The following MBD3L1 variants were observed in gnomAD, a reference collection of about 807,000 sequenced individuals.
MBD3L1 encodes methyl-CpG binding domain protein 3 like 1.
For missense variants in MBD3L1, 203 were observed against 230.1 expected (o/e 0.88, Z 0.76); for synonymous variants, 84 against 85.1 (o/e 0.99, Z 0.07).
chr19:8,842,175 A>C (rs984732338), intron 2 of MBD3L1, among the ~76,000 whole-genome samples: 1 of 152,036 alleles, frequency 6.6e-6, no homozygotes, highest in East Asian at 1.9e-4. Flanking sequence ...CAAAAACCAC[A>C]AACAGCCAGG....
intron 1 of MBD3L1, among the ~76,000 whole-genome samples, chr19:8,835,552 A>C (rs2044446447): frequency 6.6e-6 from 1 of 152,210 alleles, no homozygotes; most frequent in Non-Finnish European, 1.5e-5. Context: ...AGACAAGGAG[A>C]AATTGGAATT....
intron 1 of MBD3L1, among the ~76,000 whole-genome samples, chr19:8,839,181 TTTTC>T (rs1413507602): frequency 8.0e-4 from 39 of 48,474 alleles, no homozygotes; most frequent in African/African-American, 3.3e-3. Flanking sequence ...TTTTCTTTTC[TTTTC>T]TTTTTTTTTT....
intron 1 of MBD3L1, among the ~76,000 whole-genome samples, chr19:8,838,294 C>G (rs1054574488): frequency 1.0e-5 from 1 of 97,518 alleles, no homozygotes. Flanking sequence ...GATCAGCAGC[C>G]CCACTATCAC....
rs34714268 is a variant in MBD3L1, at chr19:8,834,604, C to CA, written c.-107+2094dup. ...GCCTGAGAACAGAGCGAGACTCCAT[C>CA]AAAAAAAAAAAACAAACCAAAACCA... is the stretch of plus-strand genomic sequence containing the variant. On this transcript the variant is annotated intron_variant, in intron 1 of 2. Coordinates refer to ENST00000595891, the MANE Select transcript of MBD3L1 (RefSeq NM_001393532.1). 6.2e-3 allele frequency among the ~76,000 whole-genome samples: 546 copies of CA among 88,408 alleles called. 3 individuals carry two copies. The highest frequency in any genetic ancestry group is 0.045 in the South Asian group (120 of 2,662). The allele number at this position is 88,408 out of a possible 152,430, so 58.0% of individuals were successfully genotyped here. A position where few individuals can be genotyped will look rare whatever the true frequency, so the allele number is the denominator to read the frequency against.
At chr19:8,833,896 G>T (rs1284570773) in intron 1 of MBD3L1, among the ~76,000 whole-genome samples, 1 of 152,162 alleles carries the variant, frequency 6.6e-6, no homozygotes, top group African/African-American at 2.4e-5. Context: ...GCTGAGGCAG[G>T]AGAATAGCTT....
chr19:8,834,239 A>C (rs1002268923), intron 1 of MBD3L1, among the ~76,000 whole-genome samples: 1 of 152,202 alleles, frequency 6.6e-6, no homozygotes, highest in Non-Finnish European at 1.5e-5. Flanking sequence ...AAAATTCAAT[A>C]TACTAGGAAA....
intron 1 of MBD3L1, among the ~76,000 whole-genome samples, chr19:8,833,805 T>G (rs536522510): frequency 6.6e-6 from 1 of 152,226 alleles, no homozygotes; most frequent in Admixed American, 6.5e-5. Context: ...CCTGCCAACA[T>G]GGTGAAACCC....
chr19:8,842,656 A>T lies in MBD3L1; in HGVS notation c.-21-2A>T. 1 of 1,587,170 alleles carries T rather than the reference A, an allele frequency of 6.3e-7. No individual in the cohort carries two copies. The highest frequency in any genetic ancestry group is 8.6e-7 in the Non-Finnish European group (1 of 1,160,408). ...ACCCCATTTCATGATTTATTTTAAT[A>T]GTGTAAGAGGAAAAGAAGTGTGATG... On this transcript the variant is annotated splice_acceptor_variant, in intron 2 of 2. Coordinates refer to ENST00000595891, the MANE Select transcript of MBD3L1 (RefSeq NM_001393532.1). LOFTEE classifies it low-confidence loss of function (5UTR_SPLICE).
At chr19:8,841,514 A>G (rs2044512682) in intron 2 of MBD3L1, among the ~76,000 whole-genome samples, 2 of 152,092 alleles carry the variant, frequency 1.3e-5, no homozygotes, top group Admixed American at 1.3e-4. Flanking sequence ...GAATTAAAAA[A>G]CCTGGAAATC....
intron 1 of MBD3L1, among the ~76,000 whole-genome samples, chr19:8,838,862 C>T (rs904628088): frequency 9.2e-5 from 14 of 152,052 alleles, no homozygotes; most frequent in Non-Finnish European, 1.5e-4. Flanking sequence ...GCTATGTGCA[C>T]GTGAGGTGTG....
chr19:8,840,540 AGT>A (rs1335695601), intron 1 of MBD3L1, among the ~76,000 whole-genome samples: 1 of 152,144 alleles, frequency 6.6e-6, no homozygotes, highest in African/African-American at 2.4e-5. Context: ...CCTGTGTTCA[AGT>A]GGCCCTCCCG....
chr19:8,834,488 G>A (rs2044431606), intron 1 of MBD3L1, among the ~76,000 whole-genome samples: 2 of 151,736 alleles, frequency 1.3e-5, no homozygotes, highest in Admixed American at 6.6e-5. Flanking sequence ...GGCGCCTATA[G>A]TCCCAGCTAC....
rs1445591192 is a variant in MBD3L1, at chr19:8,842,663, G to A, written c.-16G>A. 6 of 1,605,746 alleles carry A rather than the reference G, an allele frequency of 3.7e-6. No individual in the cohort carries two copies. The Admixed American group carries it at 1.0e-4, about 27-fold the overall frequency. On this transcript the variant is annotated 5_prime_UTR_variant, in exon 3 of 3. Transcript: ENST00000595891. ...TTCATGATTTATTTTAATAGTGTAA[G>A]AGGAAAAGAAGTGTGATGGCCAAGA...
rs2044525439 is a variant in MBD3L1, at chr19:8,842,723, A to G, written c.45A>G (p.Gln15=). 1.2e-6 allele frequency: 2 copies of G among 1,614,212 alleles called. No homozygotes were observed. Among genetic ancestry groups the G allele is most frequent in the Non-Finnish European group, 1.7e-6 (2 of 1,180,042 alleles). ...GGAAGCAACGTGACTGTGTAAACCA[A>G]TGCAAATCAAAGCCTGGCTTGAGCA... ...SQRKQRDCVN[Q]CKSKPGLSTS... is the part of the protein sequence containing the mutation. Residue 15 remains glutamine (Q), a synonymous_variant, in exon 3 of 3, where the codon CAA becomes CAG. Transcript: ENST00000595891.
In MBD3L1 at chr19:8,843,047, C is replaced by T. The variant is rs970611418; in HGVS notation, c.369C>T (p.Ala123=). 6 of 1,614,042 alleles carry T rather than the reference C, an allele frequency of 3.7e-6. No individual in the cohort carries two copies. Among genetic ancestry groups the T allele is most frequent in the Non-Finnish European group, 5.1e-6 (6 of 1,179,994 alleles). ...ACTCCTGCCCCATGCCCCACCTTGC[C>T]TGCTCTTCAGATGCGGTGGAGATAA... ...LEHSCPMPHL[A]CSSDAVEIIP... is the part of the protein sequence containing the mutation. The change falls in exon 3 of 3, where the codon GCC becomes GCT. Residue 123 remains alanine (A), a synonymous_variant. Transcript: ENST00000595891.
At position 8,838,206 on chromosome 19, in the gene MBD3L1, TCACTG is replaced by T. The variant is rs1330046148; in HGVS notation, c.-106-2699_-106-2695del. On this transcript the variant is annotated intron_variant, in intron 1 of 2. Transcript: ENST00000595891. The stretch of plus-strand genomic sequence containing the variant: ...GAGGTTGCAGTGAGCCGAGATCGCA[TCACTG>T]CACTGCACTCCAGCCTGGACGACAG... 5.0e-5 allele frequency among the ~76,000 whole-genome samples: 6 copies of T among 120,942 alleles called. No individual in the cohort carries two copies. The East Asian group carries it at 1.3e-3, about 27-fold the overall frequency. 79.3% of individuals were successfully genotyped at this position (120,942 alleles called of 152,430 possible). A position where few individuals can be genotyped will look rare whatever the true frequency, so the allele number is the denominator to read the frequency against.
chr19:8,834,246 G>A (rs1330740419), intron 1 of MBD3L1, among the ~76,000 whole-genome samples: 3 of 152,130 alleles, frequency 2.0e-5, no homozygotes, highest in Non-Finnish European at 4.4e-5. Context: ...AATATACTAG[G>A]AAAGTTCACT....
Position 8,842,865 on chromosome 19 carries a change from C to T in MBD3L1, c.187C>T (p.Gln63Ter), listed in dbSNP as rs374273471. ...HQWEESLEKP[Q>*]QVCWQRRLQG... ...ATGGGAGGAGAGCTTGGAGAAGCCTCAGCAGGTCTGCTGGCAGAGGAGACT... is the reference window on the plus strand; with the variant it reads ...ATGGGAGGAGAGCTTGGAGAAGCCTTAGCAGGTCTGCTGGCAGAGGAGACT... Residue 63 changes from glutamine to a stop codon, truncating the protein, a stop_gained, in exon 3 of 3, where the codon CAG becomes TAG. Transcript: ENST00000595891. LOFTEE classifies it low-confidence loss of function (END_TRUNC). 3.4e-5 allele frequency: 55 copies of T among 1,614,070 alleles called. No individual in the cohort carries two copies. The highest frequency in any genetic ancestry group is 4.7e-5 in the Non-Finnish European group (55 of 1,180,064).
At chr19:8,838,659 G>A (rs1336133827) in intron 1 of MBD3L1, among the ~76,000 whole-genome samples, 4 of 152,196 alleles carry the variant, frequency 2.6e-5, no homozygotes, top group Non-Finnish European at 4.4e-5. Flanking sequence ...AGACGTTTTA[G>A]GTGCGACTGG....
Sources: allele counts gnomAD v4.1 joint callset (sites outside exome capture counted in the v4.1 genomes callset), GRCh38; gene constraint gnomAD v4.1.1; transcripts MANE v1.5; gene names NCBI Gene and HGNC (gene_info 2026-07-23, HGNC 2026-07-21).